MGA: variants seen among roughly 807,000 people sequenced by gnomAD.
MGA encodes the protein MAX dimerization protein MGA.
A neutral mutation model predicts 261.1 loss-of-function variants in MGA; 40 were observed. The observed-to-expected ratio is 0.15, with a 90% CI of 0.12 to 0.20. The LOEUF is 0.20. MGA is among the 10% of genes least tolerant of loss of function. The pLI, the probability that MGA is intolerant of heterozygous loss-of-function variation, is 1.00. For missense variants in MGA, 3,397 were observed against 3,630.5 expected (o/e 0.94, Z 1.65); for synonymous variants, 1,302 against 1,290.6 (o/e 1.01, Z -0.19).
intron 2 of MGA, among the ~76,000 whole-genome samples, chr15:41,685,615 A>G (rs2058912350): frequency 6.6e-6 from 1 of 152,164 alleles, no homozygotes; most frequent in African/African-American, 2.4e-5. Flanking sequence ...GTTTATCTCA[A>G]CCATAATTCA....
chr15:41,679,388 T>G (rs1320339126), intron 2 of MGA, among the ~76,000 whole-genome samples: 1 of 152,212 alleles, frequency 6.6e-6, no homozygotes, highest in Non-Finnish European at 1.5e-5. Flanking sequence ...GGGATTTTGA[T>G]AAGGATTTTG....
At chr15:41,664,113 T>G (rs2057583055) in intron 1 of MGA, among the ~76,000 whole-genome samples, 1 of 152,186 alleles carries the variant, frequency 6.6e-6, no homozygotes, top group Non-Finnish European at 1.5e-5. Context: ...AACTAATGGA[T>G]TAATTTGATT....
intron 2 of MGA, among the ~76,000 whole-genome samples, chr15:41,683,854 T>G (rs1566971925): frequency 6.6e-6 from 1 of 152,106 alleles, no homozygotes; most frequent in Non-Finnish European, 1.5e-5. Flanking sequence ...CTGCTGGGAT[T>G]ACAGGCGTGA....
In MGA at chr15:41,754,457, T is replaced by A. The variant is rs2063027585; in HGVS notation, c.7029T>A (p.Ile2343=). The A allele has an allele frequency of 6.4e-7, 1 of 1,553,382 alleles. No individual in the cohort carries two copies. The highest frequency in any genetic ancestry group is 1.4e-5 in the African/African-American group (1 of 73,288). ...TTCAGAATAACTGTGTAGAATACAT[T>A]GAGGATGATGAGGAGCACGTGGACA... Residue 2343 remains isoleucine (I), a synonymous_variant, in exon 18 of 24, where the codon ATT becomes ATA. Transcript: ENST00000219905.
chr15:41,698,787 T>G lies in MGA; in HGVS notation c.2014-76T>G. ...GATATTTTCCTTCTGGTCTTTAAGT[T>G]TTTTTTAATCCTGTTTTACATTTAA... On this transcript the variant is annotated intron_variant, in intron 3 of 23. Transcript: ENST00000219905. The G allele has an allele frequency of 4.2e-6, 5 of 1,193,920 alleles. No homozygotes were observed. In the South Asian group the frequency reaches 7.6e-5, roughly 18 times the overall value. The allele number at this position is 1,193,920 out of a possible 1,614,324, so 74.0% of individuals were successfully genotyped here.
intron 21 of MGA, 88 bp from the exon 22 acceptor site, chr15:41,762,041 A>G: frequency 5.2e-6 from 6 of 1,163,124 alleles, no homozygotes; most frequent in Non-Finnish European, 7.3e-6. Flanking sequence ...TTTTGGGAAT[A>G]TAGTTAAAGC....
intron 2 of MGA, among the ~76,000 whole-genome samples, chr15:41,683,080 A>G (rs2058758520): frequency 6.6e-6 from 1 of 152,100 alleles, no homozygotes; most frequent in Non-Finnish European, 1.5e-5. Context: ...TTTCCTGTTG[A>G]GAAGTTTGAT....
At chr15:41,663,308 A>G (rs1200579929) in intron 1 of MGA, among the ~76,000 whole-genome samples, 1 of 149,270 alleles carries the variant, frequency 6.7e-6, no homozygotes, top group Non-Finnish European at 1.5e-5. Context: ...TTATCTAGAT[A>G]AAAAAAAAAT....
chr15:41,761,603 C>G (rs1011771405), intron 20 of MGA, 136 bp from the exon 21 acceptor site: 10 of 573,638 alleles, frequency 1.7e-5, no homozygotes, highest in Non-Finnish European at 3.1e-5. Flanking sequence ...GAAACATCAA[C>G]AATTGTTAAT....
chr15:41,736,250 C>T lies in MGA; in HGVS notation c.3986C>T (p.Pro1329Leu). Residue 1329 changes from proline to leucine, a missense_variant, in exon 13 of 24, where the codon CCT (proline) becomes CTT (leucine). By Grantham distance (98) the Pro-to-Leu change is moderately conservative. Around this residue, in one of 9 missense-constraint regions of MGA, gnomAD observed 1,410 missense variants for 1,386.4 expected, o/e 1.02. Coordinates refer to ENST00000219905, the MANE Select transcript of MGA (RefSeq NM_001164273.2). ...ACTTCTTATATGCATCAGAGGTCAC[C>T]TGGTGGTCCCACCAAACTGATTGAG... 4 of 1,613,814 alleles carry T rather than the reference C, an allele frequency of 2.5e-6. No homozygotes were observed. Among genetic ancestry groups the T allele is most frequent in the Non-Finnish European group, 3.4e-6 (4 of 1,179,794 alleles).
At chr15:41,664,660 T>A (rs2057623718) in intron 1 of MGA, among the ~76,000 whole-genome samples, 3 of 152,228 alleles carry the variant, frequency 2.0e-5, no homozygotes. Flanking sequence ...ACAAAAATAG[T>A]TGGTGATTTG....
intron 3 of MGA, among the ~76,000 whole-genome samples, chr15:41,697,407 A>C (rs368161553): frequency 2.1e-4 from 27 of 127,696 alleles, no homozygotes; most frequent in African/African-American, 7.1e-4. Flanking sequence ...GTTTTCTTTT[A>C]TTTTTCTTTT....
chr15:41,766,848 G>A lies in MGA; in HGVS notation c.8766G>A (p.Glu2922=). Residue 2922 remains glutamate, a synonymous_variant, in exon 24 of 24, where the codon GAG becomes GAA. Coordinates refer to ENST00000219905, the MANE Select transcript of MGA (RefSeq NM_001164273.2). ...AACAACTTGCAGAACCAGCCTCTGA[G>A]CCAGATGTCCTTAAGATTGTTATTG... is the stretch of plus-strand genomic sequence containing the variant. The A allele has an allele frequency of 6.2e-6, 10 of 1,614,008 alleles. No homozygotes were observed. Among genetic ancestry groups the A allele is most frequent in the Non-Finnish European group, 8.5e-6 (10 of 1,179,900 alleles).
At chr15:41,762,080 A>G (rs1403584438) in intron 21 of MGA, 49 bp from the exon 22 acceptor site, 2 of 1,424,126 alleles carry the variant, frequency 1.4e-6, no homozygotes, top group South Asian at 2.5e-5. Context: ...TCTGTTTCTC[A>G]TTATGTGGCG....
intron 2 of MGA, among the ~76,000 whole-genome samples, chr15:41,674,400 G>C (rs905522051): frequency 1.3e-5 from 2 of 152,104 alleles, no homozygotes; most frequent in Non-Finnish European, 2.9e-5. Context: ...GTTTCAGCAT[G>C]TTGGCCAGGC....
chr15:41,754,406 C>T (rs2151950187), intron 17 of MGA, 31 bp from the exon 18 acceptor site: 1 of 1,507,058 alleles, frequency 6.6e-7, no homozygotes, highest in South Asian at 1.3e-5. Flanking sequence ...CCACTCAATA[C>T]ATTATTTACT....
intron 1 of MGA, among the ~76,000 whole-genome samples, chr15:41,648,696 A>T (rs996421022): frequency 1.3e-5 from 2 of 152,202 alleles, no homozygotes; most frequent in African/African-American, 4.8e-5. Flanking sequence ...GAGAAATAGA[A>T]GGTCATTGTG....
At chr15:41,628,367 CAAAAA>C (rs936932982) in intron 1 of MGA, among the ~76,000 whole-genome samples, 3 of 47,094 alleles carry the variant, frequency 6.4e-5, no homozygotes, top group Non-Finnish European at 9.3e-5. Context: ...ACTCTGTATC[CAAAAA>C]AAAAAAAAAA....
chr15:41,644,196 T>C (rs1249889946), intron 1 of MGA, among the ~76,000 whole-genome samples: 1 of 151,820 alleles, frequency 6.6e-6, no homozygotes, highest in Non-Finnish European at 1.5e-5. Context: ...GGCCTAACAT[T>C]TCATTCAAAA....
Sources: allele counts gnomAD v4.1 joint callset (sites outside exome capture counted in the v4.1 genomes callset), GRCh38; gene constraint gnomAD v4.1.1; regional missense constraint gnomAD v4.1.1; transcripts MANE v1.5; gene names NCBI Gene and HGNC (gene_info 2026-07-23, HGNC 2026-07-21).